Variants in CD8B observed in about 807,000 individuals in gnomAD.
The protein encoded by CD8B is T-cell surface glycoprotein CD8 beta chain.
A neutral mutation model predicts 24.2 loss-of-function variants in CD8B; 6 were observed. The ratio of observed to expected loss-of-function variants is 0.25; its 90% CI spans 0.14 to 0.49. CD8B has a LOEUF of 0.49. CD8B is among the 20% of genes least tolerant of loss of function. CD8B has a pLI of 0.98. For missense variants in CD8B, 196 were observed against 271.3 expected (o/e 0.72, Z 1.95); for synonymous variants, 84 against 108.3 (o/e 0.78, Z 1.39).
intron 2 of CD8B, among the ~76,000 whole-genome samples, chr2:86,856,761 C>A (rs1490979041): frequency 6.6e-6 from 1 of 150,462 alleles, no homozygotes; most frequent in Admixed American, 6.6e-5. Flanking sequence ...GCCACAGGTG[C>A]TGCTGAGCAC....
intron 3 of CD8B, among the ~76,000 whole-genome samples, chr2:86,849,773 G>A (rs947840814): frequency 1.4e-5 from 2 of 146,216 alleles, no homozygotes; most frequent in Admixed American, 7.0e-5. Flanking sequence ...GCGTGATCTC[G>A]GCTCACCACA....
intron 5 of CD8B, among the ~76,000 whole-genome samples, chr2:86,820,167 TTGAAA>T (rs1674404401): frequency 6.6e-6 from 1 of 152,220 alleles, no homozygotes; most frequent in South Asian, 2.1e-4. Context: ...GTGAACATTG[TTGAAA>T]TGACAACAGA....
downstream of CD8B, among the ~76,000 whole-genome samples, chr2:86,834,470 A>ACACACACACACACACACACG (rs1405601863): frequency 1.5e-4 from 11 of 71,916 alleles, no homozygotes; most frequent in Admixed American, 1.3e-3. Context: ...CTTCTCTTAC[A>ACACACACACACACACACACG]CACACACACA....
At chr2:86,828,949 T>C (rs1674796927) in intron 5 of CD8B, among the ~76,000 whole-genome samples, 2 of 151,728 alleles carry the variant, frequency 1.3e-5, no homozygotes, top group Admixed American at 1.3e-4. Context: ...AAAATGGAGA[T>C]TGCATTGTTG....
At position 86,838,690 on chromosome 2, in the gene CD8B, C is replaced by T. The variant is rs1558754715; in HGVS notation, c.*3617G>A. ...AAAATTTAAAAATTTTTTGTAGAGT[C>T]GAGGTCTTGCTATGTTGCCTAGGCT... On this transcript the variant is annotated 3_prime_UTR_variant, in exon 6 of 6. Transcript: ENST00000390655. Among the ~76,000 whole-genome samples, 2 of 152,142 alleles carry T rather than the reference C, an allele frequency of 1.3e-5. No individual in the cohort carries two copies. Among genetic ancestry groups the T allele is most frequent in the Non-Finnish European group, 2.9e-5 (2 of 68,004 alleles).
At chr2:86,855,938 T>G (rs187359549) in intron 2 of CD8B, among the ~76,000 whole-genome samples, 81 of 152,338 alleles carry the variant, frequency 5.3e-4, no homozygotes, top group African/African-American at 1.9e-3. Context: ...GGATTCCTCC[T>G]GAGCACCCAG....
chr2:86,827,346 G>A (rs1674731742), intron 5 of CD8B, among the ~76,000 whole-genome samples: 1 of 152,096 alleles, frequency 6.6e-6, no homozygotes, highest in Non-Finnish European at 1.5e-5. Flanking sequence ...TGGGCTGGGG[G>A]CCTGGTGTGG....
chr2:86,827,179 C>T (rs888300020), intron 5 of CD8B, among the ~76,000 whole-genome samples: 1 of 151,590 alleles, frequency 6.6e-6, no homozygotes. Flanking sequence ...AGACTGTGCT[C>T]AAGTGTAAGC....
At position 86,844,955 on chromosome 2, in the gene CD8B, C is replaced by G; in HGVS notation, c.587G>C (p.Arg196Pro). 6.4e-7 allele frequency: 1 copy of G among 1,557,384 alleles called. No homozygotes were observed. The highest frequency in any genetic ancestry group is 8.7e-7 in the Non-Finnish European group (1 of 1,150,256). ...SLGVAIHLCC[R>P]RRRARLRFMK... ...GAAACGAAGCCGGGCTCTCCTCCGC[C>G]GGCCTGGAAGAGGAAAGCAAGGGCG... The change falls in exon 5 of 6, where the codon CGG (arginine) becomes CCG (proline). Residue 196 changes from arginine (R) to proline (P), a missense_variant. Coordinates refer to ENST00000390655, the MANE Select transcript of CD8B (RefSeq NM_004931.5).
rs1409023959 is a variant in CD8B at position 86,838,560 on chromosome 2, G to A, written c.*3747C>T. ...GTTGCCCAGGCTGGAGTGCAGTGGC[G>A]TGATCACAGCTCACTGCAGTCTGAA... On this transcript the variant is annotated 3_prime_UTR_variant, in exon 6 of 6. Coordinates refer to ENST00000390655, the MANE Select transcript of CD8B (RefSeq NM_004931.5). Among the ~76,000 whole-genome samples the A allele has an allele frequency of 2.6e-5, 4 of 152,114 alleles. No individual in the cohort carries two copies. In the East Asian group the frequency reaches 5.8e-4, roughly 22 times the overall value.
At chr2:86,857,344 A>G (rs1053534138) in intron 2 of CD8B, among the ~76,000 whole-genome samples, 8 of 152,200 alleles carry the variant, frequency 5.3e-5, no homozygotes, top group African/African-American at 1.9e-4. Flanking sequence ...CTATAAGGCC[A>G]AGGGGCTCAG....
chr2:86,823,404 C>T (rs934440541), intron 5 of CD8B, among the ~76,000 whole-genome samples: 6 of 152,050 alleles, frequency 3.9e-5, no homozygotes, highest in Admixed American at 6.6e-5. Context: ...CTCAGACTCC[C>T]GAGTATTTGG....
At chr2:86,847,136 C>T (rs1675729681) in intron 3 of CD8B, among the ~76,000 whole-genome samples, 1 of 151,710 alleles carries the variant, frequency 6.6e-6, no homozygotes, top group South Asian at 2.1e-4. Flanking sequence ...AGGGTTTTAT[C>T]ATGTTGGCCA....
At chr2:86,829,095 CTTTT>C (rs746569858) in intron 5 of CD8B, among the ~76,000 whole-genome samples, 2 of 82,986 alleles carry the variant, frequency 2.4e-5, no homozygotes, top group Non-Finnish European at 4.5e-5. Flanking sequence ...ATGCTCTTTA[CTTTT>C]TTTTTTTTTT....
chr2:86,859,573 C>T (rs1428649848), intron 1 of CD8B, among the ~76,000 whole-genome samples: 2 of 152,176 alleles, frequency 1.3e-5, no homozygotes, highest in South Asian at 2.1e-4. Flanking sequence ...GTCCCTGTGT[C>T]TCATATCACA....
At chr2:86,830,465 G>A (rs1279374880) in intron 5 of CD8B, among the ~76,000 whole-genome samples, 1 of 151,928 alleles carries the variant, frequency 6.6e-6, no homozygotes, top group Non-Finnish European at 1.5e-5. Flanking sequence ...TACTTGGGAG[G>A]CTGAGGCATG....
At chr2:86,832,368 C>G (rs1233523601) in intron 5 of CD8B, among the ~76,000 whole-genome samples, 3 of 151,820 alleles carry the variant, frequency 2.0e-5, no homozygotes, top group Non-Finnish European at 4.4e-5. Flanking sequence ...ATCCCAGCTA[C>G]TCAAGAGGCT....
Position 86,839,791 on chromosome 2 carries a change from T to G in CD8B, c.*2516A>C, listed in dbSNP as rs1459839301. On this transcript the variant is annotated 3_prime_UTR_variant, in exon 6 of 6. Transcript: ENST00000390655. ...GACAAGAGGCCTTGTGGCCTGTTCT[T>G]ACTTCCGCTGTGCACTGGGTGTGAG... is the stretch of plus-strand genomic sequence containing the variant. 2.0e-5 allele frequency among the ~76,000 whole-genome samples: 3 copies of G among 152,246 alleles called. No homozygotes were observed. The highest frequency in any genetic ancestry group is 7.2e-5 in the African/African-American group (3 of 41,460).
At chr2:86,847,437 A>G (rs1417653282) in intron 3 of CD8B, among the ~76,000 whole-genome samples, 1 of 152,230 alleles carries the variant, frequency 6.6e-6, no homozygotes, top group Non-Finnish European at 1.5e-5. Flanking sequence ...ATAGGATTAG[A>G]GTGCTCCCTG....
Sources: allele counts gnomAD v4.1 joint callset (sites outside exome capture counted in the v4.1 genomes callset), GRCh38; gene constraint gnomAD v4.1.1; transcripts MANE v1.5; gene names NCBI Gene and HGNC (gene_info 2026-07-23, HGNC 2026-07-21).